FHOD3: variants seen among roughly 807,000 people sequenced by gnomAD.
FHOD3 encodes FH1/FH2 domain-containing protein 3.
FHOD3 carries 90 observed loss-of-function variants against 173.0 expected under a neutral mutation model. The observed-to-expected ratio is 0.52, with a 90% CI of 0.44 to 0.62. The LOEUF (loss-of-function observed/expected upper bound fraction) is 0.62, where lower values mean the gene tolerates loss of function less well. Among genes scored for constraint, FHOD3 ranks in the 20% least tolerant of loss-of-function variants. The probability of loss-of-function intolerance (pLI) is 0.00; values close to 1 mark genes in which losing one functional copy is unlikely to be tolerated. For synonymous variants in FHOD3, 828 were observed against 823.0 expected (o/e 1.01, Z -0.10); for missense variants, 1,945 against 2,034.7 (o/e 0.96, Z 0.85).
intron 10 of FHOD3, among the ~76,000 whole-genome samples, chr18:36,637,596 G>A (rs2148932157): frequency 6.6e-6 from 1 of 152,326 alleles, no homozygotes; most frequent in East Asian, 1.9e-4. Context: ...TCTTGGATCT[G>A]AGAATACAGT....
intron 3 of FHOD3, among the ~76,000 whole-genome samples, chr18:36,424,091 C>G (rs1294664444): frequency 6.6e-6 from 1 of 152,166 alleles, no homozygotes; most frequent in African/African-American, 2.4e-5. Flanking sequence ...TAAAGCATCT[C>G]CCACCTACCT....
intron 3 of FHOD3, among the ~76,000 whole-genome samples, chr18:36,448,284 A>G (rs2051614938): frequency 6.6e-6 from 1 of 152,238 alleles, no homozygotes; most frequent in African/African-American, 2.4e-5. Context: ...TTTTCTGTGT[A>G]GGTTCATAAA....
chr18:36,687,274 C>A, intron 16 of FHOD3, 96 bp downstream of exon 16: 1 of 920,704 alleles, frequency 1.1e-6, no homozygotes. Flanking sequence ...AATATAACTG[C>A]TTCACCTAAA....
At chr18:36,675,531 G>T (rs2037797795) in intron 14 of FHOD3, among the ~76,000 whole-genome samples, 1 of 152,094 alleles carries the variant, frequency 6.6e-6, no homozygotes, top group South Asian at 2.1e-4. Context: ...AGCCTTCTGT[G>T]CCAGGAGCCT....
intron 17 of FHOD3, among the ~76,000 whole-genome samples, 184 bp from the exon 18 acceptor site, chr18:36,708,911 A>G (rs1211212666): frequency 6.6e-6 from 1 of 152,156 alleles, no homozygotes; most frequent in Admixed American, 6.5e-5. Context: ...CTTTCCTGTC[A>G]TCTGCACAAT....
intron 5 of FHOD3, among the ~76,000 whole-genome samples, chr18:36,543,497 A>T (rs909068048): frequency 6.6e-6 from 1 of 152,186 alleles, no homozygotes; most frequent in African/African-American, 2.4e-5. Flanking sequence ...TCCAGAAAAG[A>T]CAGTGCTGGA....
rs540562168 is a variant in FHOD3, at chr18:36,578,829, C to T, written c.606+2284C>T. 7.3e-4 allele frequency among the ~76,000 whole-genome samples: 111 copies of T among 152,236 alleles called. No homozygotes were observed. In the South Asian group the frequency reaches 0.016, roughly 22 times the overall value. ...GCGAATCCCCATGGGGTCCCATATCCGTGGGTGACCCTCACATCTTGCCCT... is the reference window on the plus strand; with the variant it reads ...GCGAATCCCCATGGGGTCCCATATCTGTGGGTGACCCTCACATCTTGCCCT... On this transcript the variant is annotated intron_variant, in intron 6 of 28. Transcript: ENST00000590592.
At chr18:36,485,235 A>G (rs1272903642) in intron 3 of FHOD3, among the ~76,000 whole-genome samples, 2 of 152,226 alleles carry the variant, frequency 1.3e-5, no homozygotes, top group African/African-American at 2.4e-5. Flanking sequence ...TAGTTCCACC[A>G]GCGATGAGCC....
chr18:36,467,700 G>A (rs1325340876), intron 3 of FHOD3, among the ~76,000 whole-genome samples: 1 of 152,240 alleles, frequency 6.6e-6, no homozygotes, highest in Non-Finnish European at 1.5e-5. Flanking sequence ...GACCGTTGAA[G>A]AGCAAGTGTG....
At chr18:36,588,328 T>A (rs1245395488) in intron 6 of FHOD3, among the ~76,000 whole-genome samples, 1 of 152,228 alleles carries the variant, frequency 6.6e-6, no homozygotes, top group African/African-American at 2.4e-5. Flanking sequence ...CCTAAGTCAC[T>A]TGAGATCTTT....
At chr18:36,741,997 CT>C (rs977757742) in intron 21 of FHOD3, among the ~76,000 whole-genome samples, 106 of 152,178 alleles carry the variant, frequency 7.0e-4, no homozygotes, top group African/African-American at 2.5e-3. Context: ...GCTCAGGTGA[CT>C]TTTTTTAGCC....
intron 27 of FHOD3, among the ~76,000 whole-genome samples, chr18:36,763,659 TATATA>T (rs1415780403): frequency 6.7e-6 from 1 of 149,338 alleles, no homozygotes; most frequent in Non-Finnish European, 1.5e-5. Flanking sequence ...ATACACGTTA[TATATA>T]ATATATATGT....
chr18:36,524,029 C>G (rs549008291), intron 5 of FHOD3, among the ~76,000 whole-genome samples: 1 of 152,164 alleles, frequency 6.6e-6, no homozygotes, highest in Admixed American at 6.5e-5. Flanking sequence ...ACCTGTAATC[C>G]CAGCACTTTG....
chr18:36,611,601 C>T (rs549414766), intron 8 of FHOD3, among the ~76,000 whole-genome samples: 82 of 152,312 alleles, frequency 5.4e-4, no homozygotes, highest in African/African-American at 1.9e-3. Flanking sequence ...GTCACCCCTT[C>T]GATTAACTCA....
At chr18:36,576,314 C>A in intron 5 of FHOD3, 137 bp from the exon 6 acceptor site, 1 of 522,544 alleles carries the variant, frequency 1.9e-6, no homozygotes, top group Non-Finnish European at 3.2e-6. Flanking sequence ...AATTTCAGAG[C>A]TCAGGAATTC....
chr18:36,466,681 C>T (rs1012382221), intron 3 of FHOD3, among the ~76,000 whole-genome samples: 13 of 152,104 alleles, frequency 8.5e-5, no homozygotes, highest in Admixed American at 5.2e-4. Flanking sequence ...GGGTCTTTCT[C>T]CAGGCCCCTC....
intron 12 of FHOD3, 30 bp downstream of exon 12, chr18:36,652,959 A>G: frequency 1.3e-6 from 2 of 1,509,968 alleles, no homozygotes; most frequent in Non-Finnish European, 1.8e-6. Flanking sequence ...GGCTTGTTTG[A>G]GATTAACTCG....
chr18:36,513,645 G>A (rs1489880599), intron 5 of FHOD3, among the ~76,000 whole-genome samples: 1 of 152,116 alleles, frequency 6.6e-6, no homozygotes, highest in Non-Finnish European at 1.5e-5. Flanking sequence ...CAGCTGTTTT[G>A]TTTTGCCCCG....
At chr18:36,774,629 T>C (rs1391364118) in intron 28 of FHOD3, among the ~76,000 whole-genome samples, 1 of 152,192 alleles carries the variant, frequency 6.6e-6, no homozygotes, top group African/African-American at 2.4e-5. Flanking sequence ...CTGCTTTTTG[T>C]TGTTGTTCTG....
Sources: allele counts gnomAD v4.1 joint callset (sites outside exome capture counted in the v4.1 genomes callset), GRCh38; gene constraint gnomAD v4.1.1; transcripts MANE v1.5; gene names NCBI Gene and HGNC (gene_info 2026-07-23, HGNC 2026-07-21).